BCKDHB: variants seen among roughly 807,000 people sequenced by gnomAD.
The protein encoded by BCKDHB is branched chain keto acid dehydrogenase E1 subunit beta.
Under a neutral mutation model 48.5 loss-of-function variants are expected in BCKDHB, and 41 were observed. The observed-to-expected ratio is 0.85, with a 90% CI of 0.66 to 1.10. The LOEUF (loss-of-function observed/expected upper bound fraction) is 1.10. Ranked by LOEUF, BCKDHB falls within the 50% of genes least tolerant of loss-of-function variation. The pLI is 0.00. For missense variants in BCKDHB, 496 were observed against 494.2 expected, an observed-to-expected ratio of 1.00 and a Z score of -0.03; for synonymous variants, 201 against 174.8, an observed-to-expected ratio of 1.15 and a Z score of -1.18.
At chr6:80,391,080 T>G in the BCKDHB span, among the ~76,000 whole-genome samples, 1 of 152,134 alleles carries the variant, frequency 6.6e-6, no homozygotes, top group Non-Finnish European at 1.5e-5. Flanking sequence ...CTTGCTCAAG[T>G]TTGCCAACAG....
chr6:80,454,527 A>G, the BCKDHB span, among the ~76,000 whole-genome samples: 1 of 152,210 alleles, frequency 6.6e-6, no homozygotes, highest in South Asian at 2.1e-4. Context: ...TGGGATTCTC[A>G]GGCATGAAAT....
At chr6:80,114,884 T>C (rs560324343) in intron 1 of BCKDHB, among the ~76,000 whole-genome samples, 1 of 152,234 alleles carries the variant, frequency 6.6e-6, no homozygotes, top group African/African-American at 2.4e-5. Context: ...CACTTAGAGA[T>C]TGAGTAGAGG....
the BCKDHB span, among the ~76,000 whole-genome samples, chr6:80,377,969 C>T: frequency 1.3e-5 from 2 of 152,112 alleles, no homozygotes; most frequent in Non-Finnish European, 2.9e-5. Flanking sequence ...AGATATTTTT[C>T]CATTTGTTTA....
At chr6:80,120,902 AT>A (rs1769979832) in intron 1 of BCKDHB, among the ~76,000 whole-genome samples, 1 of 152,060 alleles carries the variant, frequency 6.6e-6, no homozygotes, top group South Asian at 2.1e-4. Context: ...TTTTGTTGCC[AT>A]TGCTTTTGAT....
At position 80,343,737 on chromosome 6, in the gene BCKDHB, T is replaced by C. The variant is rs750930993; in HGVS notation, c.1112T>C (p.Phe371Ser). Residue 371 changes from phenylalanine (F) to serine (S), a missense_variant, in exon 10 of 10, where the codon TTT becomes TCT. Physicochemically the swap from Phe to Ser is radical, Grantham distance 155. Transcript: ENST00000320393. ...TATGACACACCATTTCCTCACATTT[T>C]TGAACCATTCTACATCCCAGACAAA... ...CGYDTPFPHIFEPFYIPDKWK... is the reference protein window; with the variant it reads ...CGYDTPFPHISEPFYIPDKWK... The C allele has an allele frequency of 6.2e-7, 1 of 1,613,998 alleles. No individual in the cohort carries two copies. Among genetic ancestry groups the C allele is most frequent in the Non-Finnish European group, 8.5e-7 (1 of 1,179,952 alleles).
At chr6:80,225,782 C>T (rs1186196488) in intron 8 of BCKDHB, among the ~76,000 whole-genome samples, 1 of 152,118 alleles carries the variant, frequency 6.6e-6, no homozygotes, top group Non-Finnish European at 1.5e-5. Flanking sequence ...TCTGCTCCTT[C>T]CTTTGAGGCA....
chr6:80,431,616 T>A, the BCKDHB span, among the ~76,000 whole-genome samples: 1 of 152,318 alleles, frequency 6.6e-6, no homozygotes, highest in Non-Finnish European at 1.5e-5. Context: ...GTTTAAAGTC[T>A]GTTTCATCAG....
At chr6:80,262,428 G>C (rs1299136417) in intron 8 of BCKDHB, among the ~76,000 whole-genome samples, 1 of 151,994 alleles carries the variant, frequency 6.6e-6, no homozygotes, top group Non-Finnish European at 1.5e-5. Flanking sequence ...ACATCTTTTG[G>C]AGTCCTCTGA....
intron 8 of BCKDHB, among the ~76,000 whole-genome samples, chr6:80,213,672 T>G (rs559954645): frequency 2.5e-4 from 38 of 150,422 alleles, no homozygotes; most frequent in African/African-American, 7.7e-4. Flanking sequence ...TTTTTTGTTT[T>G]TTTTTTTTTA....
At chr6:80,421,259 T>C in the BCKDHB span, among the ~76,000 whole-genome samples, 1 of 152,156 alleles carries the variant, frequency 6.6e-6, no homozygotes, top group Non-Finnish European at 1.5e-5. Flanking sequence ...CTACTTCCCC[T>C]TTGCCTTCCA....
chr6:80,107,466 T>A (rs1769151078), intron 1 of BCKDHB, among the ~76,000 whole-genome samples: 1 of 144,344 alleles, frequency 6.9e-6, no homozygotes. Context: ...CACACATATA[T>A]ATATGTGTGG....
At chr6:80,376,648 C>T in the BCKDHB span, among the ~76,000 whole-genome samples, 3 of 152,214 alleles carry the variant, frequency 2.0e-5, no homozygotes, top group African/African-American at 7.2e-5. Flanking sequence ...TGTCTCCTGT[C>T]TGGCATTTTT....
chr6:80,222,863 C>T (rs1262309588), intron 8 of BCKDHB, among the ~76,000 whole-genome samples: 1 of 152,140 alleles, frequency 6.6e-6, no homozygotes, highest in Admixed American at 6.5e-5. Context: ...AGAGTGGCTA[C>T]TAGGCCCTTA....
At chr6:80,200,910 T>C (rs748796913) in intron 6 of BCKDHB, 24 bp from the exon 7 acceptor site, 3 of 1,557,070 alleles carry the variant, frequency 1.9e-6, no homozygotes, top group South Asian at 1.1e-5. Flanking sequence ...ATGTCCTTTT[T>C]TTTTTTTCCT....
rs138397017 is a variant in BCKDHB, at chr6:80,163,656, T to C, written c.344-4022T>C. 3.9e-3 allele frequency among the ~76,000 whole-genome samples: 590 copies of C among 152,328 alleles called. 9 individuals carry two copies. Among genetic ancestry groups the C allele is most frequent in the South Asian group, 0.02 (96 of 4,824 alleles). Reference sequence around the variant, plus strand: ...TTGTTATTAAATGCTGTCTTTATGCTGAAGACTTCCAACTTATATCCAACA... The same window carrying C: ...TTGTTATTAAATGCTGTCTTTATGCCGAAGACTTCCAACTTATATCCAACA... On this transcript the variant is annotated intron_variant, in intron 3 of 9. Coordinates refer to ENST00000320393, the MANE Select transcript of BCKDHB (RefSeq NM_183050.4).
the BCKDHB span, among the ~76,000 whole-genome samples, chr6:80,389,181 A>G: frequency 1.3e-5 from 2 of 152,192 alleles, no homozygotes; most frequent in Non-Finnish European, 2.9e-5. Flanking sequence ...CCTTCTGTGG[A>G]CACCACTCCA....
chr6:80,178,805 C>G (rs1188618128), intron 6 of BCKDHB, among the ~76,000 whole-genome samples: 1 of 152,156 alleles, frequency 6.6e-6, no homozygotes, highest in Non-Finnish European at 1.5e-5. Flanking sequence ...AAGAAACTTG[C>G]TCAAGCTCAC....
At chr6:80,383,177 TA>T in the BCKDHB span, among the ~76,000 whole-genome samples, 1 of 152,238 alleles carries the variant, frequency 6.6e-6, no homozygotes, top group African/African-American at 2.4e-5. Flanking sequence ...TCATCTTTTT[TA>T]CTTAGGGTTG....
chr6:80,212,277 A>G (rs1774972750), intron 8 of BCKDHB, among the ~76,000 whole-genome samples: 1 of 152,124 alleles, frequency 6.6e-6, no homozygotes, highest in African/African-American at 2.4e-5. Flanking sequence ...CCTTATCTCA[A>G]CTGCATAAGA....
Sources: allele counts gnomAD v4.1 joint callset (sites outside exome capture counted in the v4.1 genomes callset), GRCh38; gene constraint gnomAD v4.1.1; transcripts MANE v1.5; gene names NCBI Gene and HGNC (gene_info 2026-07-23, HGNC 2026-07-21).